The following GOLGA6L2 variants were observed in gnomAD, a reference collection of about 807,000 sequenced individuals.
GOLGA6L2 encodes the protein golgin subfamily A member 6-like protein 2.
A neutral mutation model predicts 35.9 loss-of-function variants in GOLGA6L2; 30 were observed. That is an observed-to-expected ratio of 0.83 (90% CI 0.62 to 1.13). The LOEUF (loss-of-function observed/expected upper bound fraction) is 1.13. GOLGA6L2 is among the 50% of genes most tolerant of loss of function. GOLGA6L2 has a pLI of 0.00. For synonymous variants in GOLGA6L2, 297 were observed against 344.0 expected (o/e 0.86, Z 1.51); for missense variants, 821 against 973.4 (o/e 0.84, Z 2.08).
chr15:23,442,206 G>C (rs771457593), intron 6 of GOLGA6L2, 86 bp from the exon 7 acceptor site: 125 of 1,435,540 alleles, frequency 8.7e-5, no homozygotes, highest in Middle Eastern at 2.5e-4. Context: ...CGCCCCACAA[G>C]CACAGAACCG....
intron 7 of GOLGA6L2, 23 bp from the exon 8 acceptor site, chr15:23,441,705 A>T (rs2070695540): frequency 3.4e-6 from 5 of 1,462,900 alleles, no homozygotes; most frequent in Non-Finnish European, 4.5e-6. Context: ...TAGACTTATG[A>T]ACTAGCTATA....
chr15:23,441,886 C>G, intron 7 of GOLGA6L2, 93 bp downstream of exon 7: 1 of 1,459,234 alleles, frequency 6.9e-7, no homozygotes, highest in Non-Finnish European at 9.0e-7. Context: ...TTTTCCAGCT[C>G]TTGGCTGGAC....
In GOLGA6L2 at chr15:23,439,426, A is replaced by G. The variant is rs1442397439; in HGVS notation, c.*319T>C. On this transcript the variant is annotated 3_prime_UTR_variant, in exon 8 of 8. Transcript: ENST00000567107. ...AAGGCCTGGCTAGTATTTTACCACA[A>G]TTTAAAGTAAATTTTCTTTTCTTTT... 6 of 549,116 alleles carry G rather than the reference A, an allele frequency of 1.1e-5. No homozygotes were observed. Among genetic ancestry groups the G allele is most frequent in the South Asian group, 8.5e-5 (4 of 47,102 alleles). 34.0% of individuals were successfully genotyped at this position (549,116 alleles called of 1,614,324 possible). A position where few individuals can be genotyped will look rare whatever the true frequency, so the allele number is the denominator to read the frequency against.
chr15:23,441,610 G>A lies in GOLGA6L2; in HGVS notation c.865C>T (p.Arg289Trp), dbSNP rs745978724. The A allele has an allele frequency of 7.8e-6, 12 of 1,547,554 alleles. No individual in the cohort carries two copies. The East Asian group carries it at 1.2e-4, about 16-fold the overall frequency. ...EELREQEKKI[R>W]KQEEKMWRQE... is the part of the protein sequence containing the mutation. ...CTCCACATCTTCTCCTCCTGCTTCC[G>A]TATCTTCTTTTCCTGCTCCCGTAGC... Residue 289 changes from arginine to tryptophan, a missense_variant, in exon 8 of 8, where the codon CGG becomes TGG. Coordinates refer to ENST00000567107, the MANE Select transcript of GOLGA6L2 (RefSeq NM_001304388.2).
At chr15:23,443,528 G>A (rs976306187) in intron 5 of GOLGA6L2, among the ~76,000 whole-genome samples, 1 of 152,216 alleles carries the variant, frequency 6.6e-6, no homozygotes, top group Non-Finnish European at 1.5e-5. Context: ...CCACAGCCAA[G>A]TATGGGCAGG....
rs1484868606 is a variant in GOLGA6L2, at chr15:23,441,154, C to G, written c.1321G>C (p.Asp441His). ...KMQEQEKKTR[D>H]QEEKMQEEER... is the part of the protein sequence containing the mutation. Reference sequence around the variant, plus strand: ...TCCTCTTGCATCTTCTCCTCCTGGTCCCGCGTCTTCTTCTCCTGCTCCTGC... The same window carrying G: ...TCCTCTTGCATCTTCTCCTCCTGGTGCCGCGTCTTCTTCTCCTGCTCCTGC... The change falls in exon 8 of 8, where the codon GAC (aspartate) becomes CAC (histidine). Residue 441 changes from aspartate to histidine, a missense_variant. This residue lies in a region of GOLGA6L2 where 614 missense variants were observed against 632.3 expected (regional missense o/e 0.97). Coordinates refer to ENST00000567107, the MANE Select transcript of GOLGA6L2 (RefSeq NM_001304388.2). 4 of 1,528,182 alleles carry G rather than the reference C, an allele frequency of 2.6e-6. No homozygotes were observed. The highest frequency in any genetic ancestry group is 3.5e-6 in the Non-Finnish European group (4 of 1,141,700). The allele number at this position is 1,528,182 out of a possible 1,614,324, so 94.7% of individuals were successfully genotyped here.
At position 23,439,315 on chromosome 15, in the gene GOLGA6L2, T is replaced by G. The variant is rs1174236627; in HGVS notation, c.*430A>C. Among the ~76,000 whole-genome samples the G allele has an allele frequency of 6.6e-6, 1 of 152,130 alleles. No homozygotes were observed. The highest frequency in any genetic ancestry group is 2.4e-5 in the African/African-American group (1 of 41,424). On this transcript the variant is annotated 3_prime_UTR_variant, in exon 8 of 8. Transcript: ENST00000567107. Reference sequence around the variant, plus strand: ...TAGTAGAGACGGGGTTTCATCATGTTGGCCAGGCTGGTCTTGAACTCCTGA... The same window carrying G: ...TAGTAGAGACGGGGTTTCATCATGTGGGCCAGGCTGGTCTTGAACTCCTGA...
Position 23,447,162 on chromosome 15 carries a change from A to C in GOLGA6L2, c.20T>G (p.Leu7Arg). The change falls in exon 1 of 8, where the codon CTC becomes CGC. Residue 7 changes from leucine (L) to arginine (R), a missense_variant. Around this residue, in one of 7 missense-constraint regions of GOLGA6L2, gnomAD observed 48 missense variants for 31.7 expected, o/e 1.51. Coordinates refer to ENST00000567107, the MANE Select transcript of GOLGA6L2 (RefSeq NM_001304388.2). ...TTCTGACATCATGGGGTGGGGAGGG[A>C]GGTGGGGTTGGGGCCACATCAGCGT... MWPQPHLPPHPMMSEKT... is the reference protein window; with the variant it reads MWPQPHRPPHPMMSEKT... The C allele has an allele frequency of 1.2e-6, 1 of 814,212 alleles. No individual in the cohort carries two copies. Among genetic ancestry groups the C allele is most frequent in the Non-Finnish European group, 1.9e-6 (1 of 515,644 alleles). The allele number at this position is 814,212 out of a possible 1,614,324, so 50.4% of individuals were successfully genotyped here.
chr15:23,444,556 C>T (rs1886736466), intron 2 of GOLGA6L2, 56 bp from the exon 3 acceptor site: 3 of 1,545,172 alleles, frequency 1.9e-6, no homozygotes, highest in South Asian at 2.2e-5. Context: ...CTCTATTCCC[C>T]AGGCCAGGAA....
rs1177006001 is a variant in GOLGA6L2, at chr15:23,444,047, G to T, written c.321C>A (p.Leu107=). The change falls in exon 5 of 8, where the codon CTC becomes CTA. Residue 107 remains leucine, a synonymous_variant. Transcript: ENST00000567107. ...TCTCCAGTTCAGTTTTCTGACACGT[G>T]AGAATTCGTATTGTATGATCCTGGG... ...IEAQDHTIRI[L]TCQKTELETA... The T allele has an allele frequency of 6.4e-7, 1 of 1,558,484 alleles. No individual in the cohort carries two copies.
chr15:23,441,837 C>G (rs2070697114), intron 7 of GOLGA6L2, 142 bp downstream of exon 7: 2 of 1,364,266 alleles, frequency 1.5e-6, no homozygotes, highest in Non-Finnish European at 1.9e-6. Flanking sequence ...TTAGCACACT[C>G]TAGAGGATTC....
rs2070683001 is a variant in GOLGA6L2 at position 23,441,292 on chromosome 15, G to A, written c.1183C>T (p.Gln395Ter). 1 of 1,532,090 alleles carries A rather than the reference G, an allele frequency of 6.5e-7. No homozygotes were observed. The highest frequency in any genetic ancestry group is 8.7e-7 in the Non-Finnish European group (1 of 1,145,098). 94.9% of individuals were successfully genotyped at this position (1,532,090 alleles called of 1,614,324 possible). A position where few individuals can be genotyped will look rare whatever the true frequency, so the allele number is the denominator to read the frequency against. The part of the protein sequence containing the change: ...MREQEQKMRD[Q>*]EERMWEQDER... ...TCCTGCTCCCACATCCTCTCCTCTT[G>A]GTCCCGCATCTTCTGCTCCTGCTCC... Residue 395 changes from glutamine (Q) to a stop codon, truncating the protein, a stop_gained, in exon 8 of 8, where the codon CAA (glutamine) becomes TAA (stop). Transcript: ENST00000567107. LOFTEE classifies it low-confidence loss of function (END_TRUNC).
Position 23,444,468 on chromosome 15 carries a change from T to C in GOLGA6L2, c.243+3A>G. ...CATGTCGTGAGCAAACAAATCACGTTACTTCTTTCAGCTGCGCTCGGTTCT... is the reference window on the plus strand; with the variant it reads ...CATGTCGTGAGCAAACAAATCACGTCACTTCTTTCAGCTGCGCTCGGTTCT... On this transcript the variant is annotated splice_donor_region_variant and intron_variant, in intron 3 of 7. Transcript: ENST00000567107. The C allele has an allele frequency of 6.2e-7, 1 of 1,600,554 alleles. No individual in the cohort carries two copies.
intron 5 of GOLGA6L2, among the ~76,000 whole-genome samples, chr15:23,442,755 C>T (rs186741350): frequency 5.0e-4 from 76 of 152,062 alleles, no homozygotes; most frequent in African/African-American, 1.8e-3. Flanking sequence ...CAATCTCGCC[C>T]CATGACAACC....
At chr15:23,446,257 G>A (rs17118818) in intron 1 of GOLGA6L2, among the ~76,000 whole-genome samples, 6,632 of 152,154 alleles carry the variant, frequency 0.044, 471 homozygotes, top group African/African-American at 0.15. Flanking sequence ...AACCAAACCC[G>A]TTCTCCCATT....
chr15:23,439,975 G>C lies in GOLGA6L2; in HGVS notation c.2500C>G (p.Pro834Ala), dbSNP rs112848874. 5.1e-4 allele frequency: 200 copies of C among 394,346 alleles called. No homozygotes were observed. The highest frequency in any genetic ancestry group is 1.0e-3 in the African/African-American group (16 of 15,484). 24.4% of individuals were successfully genotyped at this position (394,346 alleles called of 1,614,324 possible). A position where few individuals can be genotyped will look rare whatever the true frequency, so the allele number is the denominator to read the frequency against. ...CCTGCTCCCGCATCTTCTCCTCCTGGCCCTGCATCTTCTCCTCCTGCTCCC... is the reference window on the plus strand; with the variant it reads ...CCTGCTCCCGCATCTTCTCCTCCTGCCCCTGCATCTTCTCCTCCTGCTCCC... ...DAGAGGEDAG[P>A]GGEDAGAGGE... The change falls in exon 8 of 8, where the codon CCA becomes GCA. Residue 834 changes from proline to alanine, a missense_variant. By Grantham distance (27) the Pro-to-Ala change is conservative. Around this residue, in one of 7 missense-constraint regions of GOLGA6L2, gnomAD observed 99 missense variants for 199.9 expected, o/e 0.50. Transcript: ENST00000567107.
rs757173952 is a variant in GOLGA6L2, at chr15:23,440,815, C to A, written c.1660G>T (p.Ala554Ser). 6.6e-6 allele frequency: 10 copies of A among 1,526,286 alleles called. No homozygotes were observed. In the African/African-American group the frequency reaches 9.7e-5, roughly 15 times the overall value. 94.5% of individuals were successfully genotyped at this position (1,526,286 alleles called of 1,614,324 possible). A position where few individuals can be genotyped will look rare whatever the true frequency, so the allele number is the denominator to read the frequency against. ...CCTGCTCCCACATCTGCTTCTCCTG[C>A]TCCTGCAGCCTCTCCTCCTGTCTCC... ...DVETGGEAAG[A>S]GEADVGAGGE... Residue 554 changes from alanine (A) to serine (S), a missense_variant, in exon 8 of 8, where the codon GCA (alanine) becomes TCA (serine). This residue lies in a region of GOLGA6L2 where 614 missense variants were observed against 632.3 expected (regional missense o/e 0.97). Transcript: ENST00000567107.
Position 23,443,782 on chromosome 15 carries a change from C to T in GOLGA6L2, c.586G>A (p.Asp196Asn). The T allele has an allele frequency of 6.5e-7, 1 of 1,537,116 alleles. No individual in the cohort carries two copies. Among genetic ancestry groups the T allele is most frequent in the Non-Finnish European group, 8.7e-7 (1 of 1,147,364 alleles). The change falls in exon 5 of 8, where the codon GAC becomes AAC. Residue 196 changes from aspartate to asparagine, a missense_variant. Physicochemically the swap from Asp to Asn is conservative, Grantham distance 23. Transcript: ENST00000567107. ...GGGGAGGTGATTGGACTTACCCTGT[C>T]TGCCTTCTTGTGCCATGTGGACACA... Reference protein sequence around the residue: ...SAVSTWHKKADRYIEELTKER... With the variant: ...SAVSTWHKKANRYIEELTKER...
At position 23,439,481 on chromosome 15, in the gene GOLGA6L2, C is replaced by A; in HGVS notation, c.*264G>T. On this transcript the variant is annotated 3_prime_UTR_variant, in exon 8 of 8. Coordinates refer to ENST00000567107, the MANE Select transcript of GOLGA6L2 (RefSeq NM_001304388.2). Reference sequence around the variant, plus strand: ...TTTTTTTTTCAAGTTTGTGCTCAGACTATATTCACACAGTGACATGGCGGC... The same window carrying A: ...TTTTTTTTTCAAGTTTGTGCTCAGAATATATTCACACAGTGACATGGCGGC... 9.5e-5 allele frequency: 57 copies of A among 601,548 alleles called. No homozygotes were observed. Among genetic ancestry groups the A allele is most frequent in the Non-Finnish European group, 1.2e-4 (45 of 366,672 alleles). 37.3% of individuals were successfully genotyped at this position (601,548 alleles called of 1,614,324 possible). A position where few individuals can be genotyped will look rare whatever the true frequency, so the allele number is the denominator to read the frequency against.
Sources: gnomAD v4.1 joint callset for allele counts (sites outside exome capture counted in the v4.1 genomes callset) on GRCh38, gnomAD v4.1.1 for gene constraint, gnomAD v4.1.1 regional missense constraint, MANE v1.5 for transcripts, NCBI Gene and HGNC (gene_info 2026-07-23, HGNC 2026-07-21) for gene names.